Variants in DPP6 observed in about 807,000 individuals in gnomAD.
DPP6 encodes the protein dipeptidyl peptidase like 6, also known as A-type potassium channel modulatory protein DPP6.
DPP6 carries 69 observed loss-of-function variants against 122.6 expected under a neutral mutation model. That is an observed-to-expected ratio of 0.56 (90% CI 0.46 to 0.69). The LOEUF is 0.69. Among genes scored for constraint, DPP6 ranks in the 30% least tolerant of loss-of-function variants. The probability of loss-of-function intolerance (pLI) is 0.00; values close to 1 mark genes in which losing one functional copy is unlikely to be tolerated. For synonymous variants in DPP6, 418 were observed against 433.1 expected (o/e 0.97, Z 0.43); for missense variants, 928 against 1,116.9 (o/e 0.83, Z 2.41).
chr7:153,829,416 A>G, the DPP6 span, among the ~76,000 whole-genome samples: 1 of 152,208 alleles, frequency 6.6e-6, no homozygotes, highest in South Asian at 2.1e-4. Flanking sequence ...GGGTTTCACC[A>G]TGTTGGTCAG....
intron 1 of DPP6, among the ~76,000 whole-genome samples, chr7:154,318,870 G>A (rs7800873): frequency 6.6e-6 from 1 of 152,000 alleles, no homozygotes; most frequent in Non-Finnish European, 1.5e-5. Flanking sequence ...CTGGCCATTC[G>A]AGGGCCATGC....
intron 8 of DPP6, among the ~76,000 whole-genome samples, chr7:154,728,682 A>G (rs1197140049): frequency 6.6e-6 from 1 of 152,196 alleles, no homozygotes; most frequent in Non-Finnish European, 1.5e-5. Flanking sequence ...ATGAATATGT[A>G]TTTCTCACAG....
intron 5 of DPP6, among the ~76,000 whole-genome samples, chr7:154,622,169 C>T (rs1349274629): frequency 2.6e-5 from 4 of 152,138 alleles, no homozygotes; most frequent in African/African-American, 9.7e-5. Context: ...TCTGGTGATG[C>T]CTGTTTTCCC....
At chr7:154,438,469 CAAAAAAAAAAAAAA>C (rs58978160) in intron 1 of DPP6, among the ~76,000 whole-genome samples, 4 of 37,472 alleles carry the variant, frequency 1.1e-4, no homozygotes, top group Admixed American at 5.3e-4. Context: ...GACTCCAACT[CAAAAAAAAAAAAAA>C]AAAAAAAAAA....
intron 1 of DPP6, among the ~76,000 whole-genome samples, chr7:154,267,154 A>T (rs2150926249): frequency 6.6e-6 from 1 of 152,134 alleles, no homozygotes; most frequent in Non-Finnish European, 1.5e-5. Context: ...GATTTGTAGA[A>T]ATCTAAAACA....
chr7:153,989,134 G>T (rs1288130378), intron 1 of DPP6, among the ~76,000 whole-genome samples: 1 of 149,262 alleles, frequency 6.7e-6, no homozygotes, highest in Non-Finnish European at 1.5e-5. Context: ...GCGGCTCTCT[G>T]GTGTGCAGCA....
At chr7:154,851,500 A>G (rs192656575) in intron 16 of DPP6, among the ~76,000 whole-genome samples, 1 of 152,258 alleles carries the variant, frequency 6.6e-6, no homozygotes, top group East Asian at 1.9e-4. Context: ...CTTCTACTTG[A>G]GCTCCCCATG....
At chr7:154,263,151 C>T (rs915263186) in intron 1 of DPP6, among the ~76,000 whole-genome samples, 1 of 152,164 alleles carries the variant, frequency 6.6e-6, no homozygotes, top group Non-Finnish European at 1.5e-5. Flanking sequence ...AAGAAACCTA[C>T]CCCACTCCCT....
chr7:153,771,350 A>T, the DPP6 span, among the ~76,000 whole-genome samples: 27 of 152,160 alleles, frequency 1.8e-4, no homozygotes, highest in South Asian at 4.6e-3. Context: ...TATTATTATT[A>T]TTTTTTTGAG....
intron 6 of DPP6, among the ~76,000 whole-genome samples, chr7:154,649,577 AC>A (rs1358876721): frequency 6.6e-6 from 1 of 152,040 alleles, no homozygotes; most frequent in Non-Finnish European, 1.5e-5. Context: ...GGTGGAATCC[AC>A]CATGCCCTGG....
chr7:154,393,167 GT>G (rs1310940421), intron 1 of DPP6, among the ~76,000 whole-genome samples: 1 of 152,166 alleles, frequency 6.6e-6, no homozygotes, highest in Admixed American at 6.5e-5. Flanking sequence ...AGACTCTTGA[GT>G]GGCTAAGAGT....
At chr7:154,578,998 C>A (rs1265553375) in intron 5 of DPP6, among the ~76,000 whole-genome samples, 6 of 152,202 alleles carry the variant, frequency 3.9e-5, no homozygotes, top group Non-Finnish European at 5.9e-5. Flanking sequence ...GCAACACGTG[C>A]AGAGCTTCAA....
At chr7:153,802,534 C>T in the DPP6 span, among the ~76,000 whole-genome samples, 1 of 152,022 alleles carries the variant, frequency 6.6e-6, no homozygotes, top group Non-Finnish European at 1.5e-5. Context: ...AGCTCATCTC[C>T]TGGCCTGAAG....
rs562110947 is a variant in DPP6, at chr7:154,169,079, C to A, written c.243+116016C>A. On this transcript the variant is annotated intron_variant, in intron 1 of 25. Coordinates refer to ENST00000377770, the MANE Select transcript of DPP6 (RefSeq NM_130797.4). Reference sequence around the variant, plus strand: ...AGGTGCAGCTGAGACCCTACCCATACCCCTTCTGATTGCGCTGCTGGCTTC... The same window carrying A: ...AGGTGCAGCTGAGACCCTACCCATAACCCTTCTGATTGCGCTGCTGGCTTC... Among the ~76,000 whole-genome samples the A allele has an allele frequency of 8.3e-4, 105 of 127,012 alleles. 2 individuals carry two copies. The South Asian group carries it at 0.013, about 16-fold the overall frequency. The allele number at this position is 127,012 out of a possible 152,430, so 83.3% of individuals were successfully genotyped here.
At chr7:154,366,754 A>AT (rs1178458991) in intron 1 of DPP6, among the ~76,000 whole-genome samples, 1 of 152,200 alleles carries the variant, frequency 6.6e-6, no homozygotes, top group Non-Finnish European at 1.5e-5. Flanking sequence ...GTTAAATGGG[A>AT]TAAAAAAAAT....
chr7:154,031,464 C>G (rs923349637), intron 1 of DPP6, among the ~76,000 whole-genome samples: 1 of 151,928 alleles, frequency 6.6e-6, no homozygotes, highest in African/African-American at 2.4e-5. Flanking sequence ...GCAAAATACA[C>G]AGTAGTTTTG....
chr7:154,649,904 G>A (rs564051033), intron 6 of DPP6, among the ~76,000 whole-genome samples: 1 of 152,324 alleles, frequency 6.6e-6, no homozygotes, highest in East Asian at 1.9e-4. Context: ...GGTTGAGAAA[G>A]CCTGGTTCCT....
At chr7:154,341,835 A>T (rs1809962828) in intron 1 of DPP6, among the ~76,000 whole-genome samples, 1 of 152,208 alleles carries the variant, frequency 6.6e-6, no homozygotes. Flanking sequence ...TGACGCAAGA[A>T]GAATGGTTGA....
At chr7:154,499,501 G>A (rs1046226298) in intron 3 of DPP6, among the ~76,000 whole-genome samples, 11 of 152,090 alleles carry the variant, frequency 7.2e-5, no homozygotes, top group Admixed American at 2.0e-4. Flanking sequence ...ATGGAGCAGC[G>A]TTAATTGGCC....
Sources: gnomAD v4.1 joint callset for allele counts (sites outside exome capture counted in the v4.1 genomes callset) on GRCh38, gnomAD v4.1.1 for gene constraint, MANE v1.5 for transcripts, NCBI Gene and HGNC (gene_info 2026-07-23, HGNC 2026-07-21) for gene names.